Variants in CNTNAP5 observed in about 807,000 individuals in gnomAD.
The protein encoded by CNTNAP5 is contactin associated protein family member 5, also known as contactin-associated protein-like 5.
CNTNAP5 carries 72 observed loss-of-function variants against 150.2 expected under a neutral mutation model. The ratio of observed to expected loss-of-function variants is 0.48; its 90% CI spans 0.40 to 0.58. The LOEUF (loss-of-function observed/expected upper bound fraction) is 0.58. Ranked by LOEUF, CNTNAP5 falls within the 20% of genes least tolerant of loss-of-function variation. The probability of loss-of-function intolerance (pLI) is 0.00; values close to 1 mark genes in which losing one functional copy is unlikely to be tolerated. For missense variants in CNTNAP5, 1,636 were observed against 1,626.2 expected, an observed-to-expected ratio of 1.01 and a Z score of -0.10; for synonymous variants, 672 against 619.8, an observed-to-expected ratio of 1.08 and a Z score of -1.25.
intron 2 of CNTNAP5, among the ~76,000 whole-genome samples, chr2:124,237,588 C>T (rs1051180294): frequency 1.3e-5 from 2 of 152,088 alleles, no homozygotes; most frequent in Admixed American, 1.3e-4. Context: ...AATCCCAGCA[C>T]TCAGGGAGGC....
intron 13 of CNTNAP5, among the ~76,000 whole-genome samples, chr2:124,735,869 G>C (rs1680371890): frequency 6.6e-6 from 1 of 152,178 alleles, no homozygotes; most frequent in Non-Finnish European, 1.5e-5. Context: ...CGTTTCGAAT[G>C]TTAGTGTTAC....
chr2:124,437,261 C>T (rs1692554890), intron 5 of CNTNAP5, among the ~76,000 whole-genome samples: 1 of 152,076 alleles, frequency 6.6e-6, no homozygotes, highest in Non-Finnish European at 1.5e-5. Context: ...CACCTTCAAG[C>T]CTGCACTCCT....
intron 1 of CNTNAP5, among the ~76,000 whole-genome samples, chr2:124,195,373 C>T (rs533658710): frequency 6.6e-6 from 1 of 152,102 alleles, no homozygotes; most frequent in African/African-American, 2.4e-5. Context: ...AACCCCCTTG[C>T]GCAGGGGGCT....
At chr2:124,249,597 C>T (rs752806641) in intron 3 of CNTNAP5, among the ~76,000 whole-genome samples, 4 of 152,190 alleles carry the variant, frequency 2.6e-5, no homozygotes, top group Non-Finnish European at 5.9e-5. Flanking sequence ...GTTGTCCCGC[C>T]TTTATGAACC....
rs187609493 is a variant in CNTNAP5 at position 124,132,836 on chromosome 2, T to C, written c.83-88869T>C. 1.5e-3 allele frequency among the ~76,000 whole-genome samples: 228 copies of C among 152,250 alleles called. 5 individuals carry two copies. Among genetic ancestry groups the C allele is most frequent in the South Asian group, 1.0e-3 (5 of 4,824 alleles). On this transcript the variant is annotated intron_variant, in intron 1 of 23. Transcript: ENST00000682447. ...GAGTACCTTGGCATGTTCAATACTG[T>C]TCAATCTATGTGTCCATTTCTCAGC...
intron 17 of CNTNAP5, among the ~76,000 whole-genome samples, chr2:124,786,815 A>G (rs553696427): frequency 1.3e-5 from 2 of 152,306 alleles, no homozygotes; most frequent in South Asian, 4.2e-4. Context: ...TACACATAGT[A>G]GGTAAAAAGG....
intron 2 of CNTNAP5, among the ~76,000 whole-genome samples, chr2:124,241,150 T>C (rs1316810123): frequency 2.0e-5 from 3 of 152,172 alleles, no homozygotes; most frequent in African/African-American, 7.2e-5. Context: ...TAGAAGTGAA[T>C]ATTGTCTTTT....
rs1297442155 is a variant in CNTNAP5 at position 124,103,760 on chromosome 2, C to T, written c.82+78028C>T. Among the ~76,000 whole-genome samples, 3 of 150,716 alleles carry T rather than the reference C, an allele frequency of 2.0e-5. No homozygotes were observed. The Admixed American group carries it at 2.0e-4, about 10-fold the overall frequency. On this transcript the variant is annotated intron_variant, in intron 1 of 23. Transcript: ENST00000682447. Reference sequence around the variant, plus strand: ...TAATGTCACACTTCTTAGAACAGATCTCCGTTGTTAAGTGAGGCATGACTG... The same window carrying T: ...TAATGTCACACTTCTTAGAACAGATTTCCGTTGTTAAGTGAGGCATGACTG...
intron 13 of CNTNAP5, among the ~76,000 whole-genome samples, chr2:124,735,045 T>C (rs1680352574): frequency 6.6e-6 from 1 of 152,150 alleles, no homozygotes; most frequent in Non-Finnish European, 1.5e-5. Flanking sequence ...TAAAATGCAT[T>C]AATGTATGGC....
chr2:124,859,219 A>C (rs1337689333), intron 19 of CNTNAP5, among the ~76,000 whole-genome samples: 1 of 152,176 alleles, frequency 6.6e-6, no homozygotes, highest in Non-Finnish European at 1.5e-5. Flanking sequence ...CAAGAAAAAA[A>C]CAAACAACCC....
rs145258045 is a variant in CNTNAP5 at position 124,586,033 on chromosome 2, A to G, written c.1756+22710A>G. ...CAATATATGGTCCTGACCAGGAGCT[A>G]TAAAGAAAGAGGACTGGAGAAGGTG... On this transcript the variant is annotated intron_variant, in intron 11 of 23. Coordinates refer to ENST00000682447, the MANE Select transcript of CNTNAP5 (RefSeq NM_001367498.1). Among the ~76,000 whole-genome samples, 18 of 152,234 alleles carry G rather than the reference A, an allele frequency of 1.2e-4. No individual in the cohort carries two copies. The East Asian group carries it at 3.5e-3, about 29-fold the overall frequency.
chr2:124,570,338 C>T (rs747264060), intron 11 of CNTNAP5, among the ~76,000 whole-genome samples: 20 of 152,114 alleles, frequency 1.3e-4, no homozygotes, highest in Non-Finnish European at 1.3e-4. Context: ...GCACCGACAA[C>T]GGCCTTGCAG....
At chr2:124,533,530 A>G (rs1008528334) in intron 10 of CNTNAP5, among the ~76,000 whole-genome samples, 4 of 152,054 alleles carry the variant, frequency 2.6e-5, no homozygotes, top group African/African-American at 9.7e-5. Context: ...GGTGTGGAGG[A>G]GAGGGATGGT....
chr2:124,911,603 T>A, intron 23 of CNTNAP5, 65 bp downstream of exon 23: 1 of 1,293,126 alleles, frequency 7.7e-7, no homozygotes, highest in Non-Finnish European at 1.1e-6. Context: ...GAGAAAGTTA[T>A]CTGAAGCTTT....
intron 10 of CNTNAP5, among the ~76,000 whole-genome samples, chr2:124,542,395 T>A (rs2104907587): frequency 6.6e-6 from 1 of 151,706 alleles, no homozygotes. Flanking sequence ...AAAGGGAAGT[T>A]AATGGCACTG....
intron 1 of CNTNAP5, among the ~76,000 whole-genome samples, chr2:124,110,176 G>A (rs765983603): frequency 1.8e-4 from 28 of 152,342 alleles, no homozygotes; most frequent in African/African-American, 3.1e-4. Context: ...CTCAGTGGAA[G>A]CCTCTGTAAA....
intron 5 of CNTNAP5, among the ~76,000 whole-genome samples, chr2:124,444,803 G>C (rs1346938597): frequency 6.6e-6 from 1 of 152,134 alleles, no homozygotes; most frequent in African/African-American, 2.4e-5. Context: ...TCTAAACCTG[G>C]CTGCTGCTTC....
intron 2 of CNTNAP5, among the ~76,000 whole-genome samples, chr2:124,238,899 AC>A (rs996723569): frequency 2.0e-5 from 3 of 152,126 alleles, no homozygotes; most frequent in Non-Finnish European, 4.4e-5. Context: ...AACCATGGCA[AC>A]CCTGGGTGTC....
intron 1 of CNTNAP5, among the ~76,000 whole-genome samples, chr2:124,191,995 G>C (rs922880223): frequency 3.6e-4 from 54 of 152,106 alleles, no homozygotes; most frequent in African/African-American, 1.2e-3. Context: ...CTTAGTTTGA[G>C]ACATTCCTGG....
Sources: gnomAD v4.1 joint callset for allele counts (sites outside exome capture counted in the v4.1 genomes callset) on GRCh38, gnomAD v4.1.1 for gene constraint, MANE v1.5 for transcripts, NCBI Gene and HGNC (gene_info 2026-07-23, HGNC 2026-07-21) for gene names.